ARHGAP15: variants seen among roughly 807,000 people sequenced by gnomAD.
ARHGAP15 encodes Rho GTPase activating protein 15.
A neutral mutation model predicts 63.7 loss-of-function variants in ARHGAP15; 51 were observed. The ratio of observed to expected loss-of-function variants is 0.80; its 90% confidence interval spans 0.64 to 1.01. The LOEUF (loss-of-function observed/expected upper bound fraction) is 1.01, where lower values mean the gene tolerates loss of function less well. Among genes scored for constraint, ARHGAP15 ranks in the 50% least tolerant of loss-of-function variants. ARHGAP15 has a pLI of 0.00. For missense variants in ARHGAP15, 560 were observed against 564.6 expected (o/e 0.99, Z 0.08); for synonymous variants, 191 against 193.8 (o/e 0.99, Z 0.12).
intron 13 of ARHGAP15, among the ~76,000 whole-genome samples, chr2:143,767,730 T>G (rs539049382): frequency 6.6e-6 from 1 of 152,292 alleles, no homozygotes; most frequent in East Asian, 1.9e-4. Flanking sequence ...TTTAATATAC[T>G]CATTCATTTC....
intron 6 of ARHGAP15, among the ~76,000 whole-genome samples, chr2:143,322,934 A>G (rs565292990): frequency 6.6e-6 from 1 of 152,324 alleles, no homozygotes; most frequent in Non-Finnish European, 1.5e-5. Context: ...TTAATTATCA[A>G]CCAACTGGTT....
At chr2:143,134,467 A>G (rs1689050267) in intron 1 of ARHGAP15, among the ~76,000 whole-genome samples, 2 of 152,184 alleles carry the variant, frequency 1.3e-5, no homozygotes, top group Non-Finnish European at 2.9e-5. Context: ...TCTTTTTAAA[A>G]GATTAAAGGT....
intron 3 of ARHGAP15, among the ~76,000 whole-genome samples, chr2:143,211,051 T>C (rs1438312545): frequency 6.6e-6 from 1 of 152,196 alleles, no homozygotes; most frequent in African/African-American, 2.4e-5. Context: ...TAGTACTTTA[T>C]ATGATGTACA....
At chr2:143,454,353 G>A (rs1300168444) in intron 8 of ARHGAP15, among the ~76,000 whole-genome samples, 1 of 152,052 alleles carries the variant, frequency 6.6e-6, no homozygotes, top group South Asian at 2.1e-4. Context: ...GAAAACAATT[G>A]GGATGAAAAG....
intron 10 of ARHGAP15, among the ~76,000 whole-genome samples, chr2:143,550,046 A>G (rs1268302762): frequency 6.6e-6 from 1 of 152,212 alleles, no homozygotes; most frequent in Non-Finnish European, 1.5e-5. Flanking sequence ...GAGGGAAAAC[A>G]ATATTGAGCA....
At chr2:143,543,771 G>A (rs1695206986) in intron 10 of ARHGAP15, among the ~76,000 whole-genome samples, 5 of 152,074 alleles carry the variant, frequency 3.3e-5, no homozygotes, top group Admixed American at 2.6e-4. Context: ...TATTACACTA[G>A]TGCTAGATGA....
intron 4 of ARHGAP15, among the ~76,000 whole-genome samples, chr2:143,223,363 G>A (rs1331653097): frequency 2.0e-5 from 3 of 152,116 alleles, no homozygotes; most frequent in Non-Finnish European, 4.4e-5. Context: ...GTAAATTCCT[G>A]TGGAAACTGA....
At chr2:143,530,940 G>A (rs1694497039) in intron 10 of ARHGAP15, among the ~76,000 whole-genome samples, 1 of 152,124 alleles carries the variant, frequency 6.6e-6, no homozygotes. Context: ...CAATAAAACA[G>A]TCCAAAGAAA....
intron 10 of ARHGAP15, among the ~76,000 whole-genome samples, chr2:143,537,493 A>G (rs1694834548): frequency 6.6e-6 from 1 of 152,226 alleles, no homozygotes; most frequent in Non-Finnish European, 1.5e-5. Flanking sequence ...GTTTTCTTCT[A>G]GAGTTTTTAT....
chr2:143,542,764 T>C (rs1695147695), intron 10 of ARHGAP15, among the ~76,000 whole-genome samples: 2 of 95,726 alleles, frequency 2.1e-5, no homozygotes, highest in South Asian at 5.4e-4. Context: ...TAATATCACA[T>C]ATATAATATA....
At chr2:143,550,183 A>G (rs1384104526) in intron 10 of ARHGAP15, among the ~76,000 whole-genome samples, 1 of 152,190 alleles carries the variant, frequency 6.6e-6, no homozygotes, top group Non-Finnish European at 1.5e-5. Flanking sequence ...ATTTACCTGC[A>G]AAGTGTCAAG....
intron 3 of ARHGAP15, among the ~76,000 whole-genome samples, chr2:143,205,532 C>T (rs1006993972): frequency 3.9e-5 from 6 of 152,106 alleles, no homozygotes; most frequent in East Asian, 1.9e-4. Context: ...TGAATGAAGG[C>T]ATAATGAAAA....
intron 12 of ARHGAP15, among the ~76,000 whole-genome samples, chr2:143,680,398 G>T (rs528698461): frequency 6.6e-6 from 1 of 152,182 alleles, no homozygotes; most frequent in Admixed American, 6.5e-5. Flanking sequence ...GATACAAAAT[G>T]GATTTCCTTT....
intron 10 of ARHGAP15, among the ~76,000 whole-genome samples, chr2:143,524,729 G>C (rs932580010): frequency 4.6e-5 from 7 of 152,142 alleles, no homozygotes; most frequent in Non-Finnish European, 7.3e-5. Context: ...TTAATATCAC[G>C]AGAAAGCGTG....
intron 9 of ARHGAP15, among the ~76,000 whole-genome samples, chr2:143,487,982 T>C (rs1190335648): frequency 6.6e-6 from 1 of 152,224 alleles, no homozygotes; most frequent in African/African-American, 2.4e-5. Flanking sequence ...CATGAAAATG[T>C]ATGGATATTG....
At chr2:143,580,141 A>T (rs954159498) in intron 11 of ARHGAP15, among the ~76,000 whole-genome samples, 3 of 151,604 alleles carry the variant, frequency 2.0e-5, no homozygotes, top group Admixed American at 6.6e-5. Flanking sequence ...AACTCGAACA[A>T]TTTTTTCTAC....
At chr2:143,471,224 A>ATGTGTG (rs1491213583) in intron 8 of ARHGAP15, among the ~76,000 whole-genome samples, 1 of 147,378 alleles carries the variant, frequency 6.8e-6, no homozygotes, top group Non-Finnish European at 1.5e-5. Context: ...ATACACACAC[A>ATGTGTG]TGTGTATGTG....
chr2:143,517,069 C>A (rs1393821670), intron 9 of ARHGAP15, among the ~76,000 whole-genome samples: 1 of 152,186 alleles, frequency 6.6e-6, no homozygotes, highest in Non-Finnish European at 1.5e-5. Flanking sequence ...CTGCCTCAGC[C>A]TCCTGAGTAG....
chr2:143,364,992 C>T (rs971233711), intron 6 of ARHGAP15, among the ~76,000 whole-genome samples: 2 of 151,662 alleles, frequency 1.3e-5, no homozygotes, highest in Admixed American at 1.3e-4. Flanking sequence ...GGCAACAGAG[C>T]GAGACTCTGT....
Sources: gnomAD v4.1 joint callset for allele counts (sites outside exome capture counted in the v4.1 genomes callset) on GRCh38, gnomAD v4.1.1 for gene constraint, MANE v1.5 for transcripts, NCBI Gene and HGNC (gene_info 2026-07-23, HGNC 2026-07-21) for gene names.